LYPLAL1: variants seen among roughly 807,000 people sequenced by gnomAD.
LYPLAL1 encodes lysophospholipase-like protein 1.
LYPLAL1 carries 23 observed loss-of-function variants against 19.7 expected under a neutral mutation model. The observed-to-expected ratio is 1.17, with a 90% CI of 0.84 to 1.65. The LOEUF is 1.65. Among genes scored for constraint, LYPLAL1 ranks in the 40% most tolerant of loss-of-function variants. The pLI, the probability that LYPLAL1 is intolerant of heterozygous loss-of-function variation, is 0.00. For synonymous variants in LYPLAL1, 119 were observed against 96.3 expected (o/e 1.24, Z -1.38); for missense variants, 355 against 279.4 (o/e 1.27, Z -1.93).
the LYPLAL1 span, among the ~76,000 whole-genome samples, chr1:219,266,837 A>G: frequency 5.9e-5 from 9 of 152,296 alleles, no homozygotes; most frequent in African/African-American, 2.2e-4. Flanking sequence ...GTGCATGACT[A>G]TATTCTCTTC....
chr1:219,300,854 G>A, the LYPLAL1 span, among the ~76,000 whole-genome samples: 1 of 151,954 alleles, frequency 6.6e-6, no homozygotes, highest in African/African-American at 2.4e-5. Context: ...ATTTCCTAAT[G>A]TCCTGAGAGT....
chr1:219,216,121 GT>G (rs1317240104), downstream of LYPLAL1, among the ~76,000 whole-genome samples: 13 of 151,622 alleles, frequency 8.6e-5, no homozygotes, highest in Non-Finnish European at 1.8e-4. Flanking sequence ...TTCATCTCTA[GT>G]TTTTTTATTT....
chr1:219,282,831 A>G, the LYPLAL1 span, among the ~76,000 whole-genome samples: 32 of 152,338 alleles, frequency 2.1e-4, no homozygotes, highest in African/African-American at 7.5e-4. Flanking sequence ...ACCAACAAAG[A>G]AAATGCAAAA....
chr1:219,186,335 A>G (rs1656719200), intron 2 of LYPLAL1, among the ~76,000 whole-genome samples: 1 of 151,788 alleles, frequency 6.6e-6, no homozygotes, highest in Non-Finnish European at 1.5e-5. Flanking sequence ...GGTTCAAGGT[A>G]TTTGAAAGCA....
At chr1:219,428,618 A>T in the LYPLAL1 span, among the ~76,000 whole-genome samples, 1 of 152,210 alleles carries the variant, frequency 6.6e-6, no homozygotes, top group Non-Finnish European at 1.5e-5. Flanking sequence ...AATAACTACA[A>T]TATGTGGCAC....
Position 219,211,819 on chromosome 1 carries a change from GAAAT to G in LYPLAL1, c.*94_*97del. The G allele has an allele frequency of 1.2e-6, 1 of 809,740 alleles. No individual in the cohort carries two copies. The highest frequency in any genetic ancestry group is 1.9e-6 in the Non-Finnish European group (1 of 529,064). 50.2% of individuals were successfully genotyped at this position (809,740 alleles called of 1,614,324 possible). On this transcript the variant is annotated 3_prime_UTR_variant, in exon 5 of 5. Coordinates refer to ENST00000366928, the MANE Select transcript of LYPLAL1 (RefSeq NM_138794.5). ...ATTATAATGATAATTAAAATATTAA[GAAAT>G]AACACTTTCCTGACTTTTTTATTAT... is the stretch of plus-strand genomic sequence containing the variant.
chr1:219,183,498 G>T (rs1303949892), intron 2 of LYPLAL1, among the ~76,000 whole-genome samples: 2 of 151,990 alleles, frequency 1.3e-5, no homozygotes, highest in African/African-American at 4.8e-5. Context: ...ATAGTACAGA[G>T]AATTTTGGTA....
At chr1:219,377,707 T>C in the LYPLAL1 span, among the ~76,000 whole-genome samples, 1 of 152,062 alleles carries the variant, frequency 6.6e-6, no homozygotes, top group African/African-American at 2.4e-5. Flanking sequence ...TAAATTACAT[T>C]ATTTAAGTAA....
At chr1:219,176,683 T>C (rs1419738452) in intron 1 of LYPLAL1, among the ~76,000 whole-genome samples, 1 of 152,186 alleles carries the variant, frequency 6.6e-6, no homozygotes, top group East Asian at 1.9e-4. Flanking sequence ...TTTTTCTCCC[T>C]AGGCTAATCA....
chr1:219,344,765 A>G, the LYPLAL1 span, among the ~76,000 whole-genome samples: 5 of 152,110 alleles, frequency 3.3e-5, no homozygotes, highest in Non-Finnish European at 7.4e-5. Flanking sequence ...GACTTCTTCT[A>G]TTTTACTTGT....
At chr1:219,309,034 A>G in the LYPLAL1 span, among the ~76,000 whole-genome samples, 119,570 of 152,102 alleles carry the variant, frequency 0.79, 47,164 homozygotes, top group East Asian at 0.99. Context: ...CAGGGGCGGA[A>G]TTGCCCAAGA....
the LYPLAL1 span, among the ~76,000 whole-genome samples, chr1:219,318,575 T>C: frequency 1.3e-5 from 2 of 152,170 alleles, no homozygotes; most frequent in Non-Finnish European, 1.5e-5. Flanking sequence ...AGAATGAAGC[T>C]CTCTGATTAG....
At chr1:219,317,524 A>C in the LYPLAL1 span, among the ~76,000 whole-genome samples, 1 of 152,184 alleles carries the variant, frequency 6.6e-6, no homozygotes, top group African/African-American at 2.4e-5. Context: ...GGCTATATAT[A>C]TTTGTAGTTA....
At chr1:219,339,072 G>C in the LYPLAL1 span, among the ~76,000 whole-genome samples, 6 of 151,876 alleles carry the variant, frequency 4.0e-5, no homozygotes, top group African/African-American at 1.4e-4. Context: ...CTCATACCAC[G>C]TCTGGCCCTG....
At chr1:219,347,264 T>A in the LYPLAL1 span, among the ~76,000 whole-genome samples, 7 of 151,742 alleles carry the variant, frequency 4.6e-5, no homozygotes, top group African/African-American at 1.7e-4. Context: ...CCATTCTTTT[T>A]CTTTTTCTTT....
At chr1:219,274,622 G>C in the LYPLAL1 span, among the ~76,000 whole-genome samples, 3 of 152,174 alleles carry the variant, frequency 2.0e-5, no homozygotes, top group Admixed American at 6.5e-5. Context: ...CTGACCTCGT[G>C]ATCCACACGC....
the LYPLAL1 span, among the ~76,000 whole-genome samples, chr1:219,435,921 T>C: frequency 6.6e-6 from 1 of 152,220 alleles, no homozygotes; most frequent in Non-Finnish European, 1.5e-5. Flanking sequence ...ATACAGTTTG[T>C]TCAAGTAATG....
the LYPLAL1 span, among the ~76,000 whole-genome samples, chr1:219,364,937 G>T: frequency 6.6e-6 from 1 of 152,074 alleles, no homozygotes; most frequent in Non-Finnish European, 1.5e-5. Context: ...TAGTTAAACT[G>T]TGTTTCTTTA....
the LYPLAL1 span, among the ~76,000 whole-genome samples, chr1:219,225,771 A>G: frequency 6.6e-6 from 1 of 152,062 alleles, no homozygotes; most frequent in Admixed American, 6.6e-5. Flanking sequence ...TCCCTTCACA[A>G]TCTGGTCCTT....
Sources: allele counts gnomAD v4.1 joint callset (sites outside exome capture counted in the v4.1 genomes callset), GRCh38; gene constraint gnomAD v4.1.1; transcripts MANE v1.5; gene names NCBI Gene and HGNC (gene_info 2026-07-23, HGNC 2026-07-21).